The following KIF6 variants were observed in gnomAD, a reference collection of about 807,000 sequenced individuals.
The protein encoded by KIF6 is kinesin family member 6.
Under a neutral mutation model 112.7 loss-of-function variants are expected in KIF6, and 106 were observed. The ratio of observed to expected loss-of-function variants is 0.94; its 90% CI spans 0.80 to 1.11. KIF6 has a LOEUF of 1.11. Ranked by LOEUF, KIF6 falls within the 50% of genes least tolerant of loss-of-function variation. The pLI, the probability that KIF6 is intolerant of heterozygous loss-of-function variation, is 0.00. For missense variants in KIF6, 929 were observed against 964.0 expected, an observed-to-expected ratio of 0.96 and a Z score of 0.48; for synonymous variants, 339 against 339.9, an observed-to-expected ratio of 1.00 and a Z score of 0.03.
rs1340156006 is a variant in KIF6, at chr6:39,357,298, G to A, written c.2159C>T (p.Ser720Phe). ...LQTSDSQHEW[S>F]QLLSNKSSGG... ...TTACCTTTTGTTAGAGAGGAGTTGGGACCATTCATGCTGGGAGTCAGATGT... is the reference window on the plus strand; with the variant it reads ...TTACCTTTTGTTAGAGAGGAGTTGGAACCATTCATGCTGGGAGTCAGATGT... Residue 720 changes from serine (S) to phenylalanine (F), a missense_variant, in exon 19 of 23, where the codon TCC becomes TTC. Ser to Phe is a radical substitution (Grantham distance 155). Around this residue, in one of 2 missense-constraint regions of KIF6, gnomAD observed 241 missense variants for 301.4 expected, o/e 0.80. Coordinates refer to ENST00000287152, the MANE Select transcript of KIF6 (RefSeq NM_145027.6). 1.2e-6 allele frequency: 2 copies of A among 1,613,246 alleles called. No homozygotes were observed. The highest frequency in any genetic ancestry group is 1.1e-5 in the South Asian group (1 of 91,026).
intron 3 of KIF6, among the ~76,000 whole-genome samples, chr6:39,701,443 T>C (rs1274856660): frequency 1.3e-5 from 2 of 152,242 alleles, no homozygotes; most frequent in African/African-American, 4.8e-5. Context: ...GCGTGGATGC[T>C]GCTCTGTGCC....
At chr6:39,424,772 T>TG (rs1223558156) in intron 14 of KIF6, among the ~76,000 whole-genome samples, 1 of 152,200 alleles carries the variant, frequency 6.6e-6, no homozygotes, top group Non-Finnish European at 1.5e-5. Flanking sequence ...GGGAATGTGA[T>TG]GGACTGTGAA....
At chr6:39,573,705 G>T (rs1047285146) in intron 10 of KIF6, among the ~76,000 whole-genome samples, 1 of 152,184 alleles carries the variant, frequency 6.6e-6, no homozygotes, top group South Asian at 2.1e-4. Context: ...TTAGTAGCAC[G>T]TGAACTAGTT....
At position 39,452,210 on chromosome 6, in the gene KIF6, T is replaced by G. The variant is rs114082031; in HGVS notation, c.1646-21049A>C. 7.6e-3 allele frequency among the ~76,000 whole-genome samples: 1,116 copies of G among 147,254 alleles called. 15 individuals are homozygous for G. The highest frequency in any genetic ancestry group is 0.028 in the African/African-American group (1,069 of 38,166). ...GCCCCAATTGCCCTCATCTGTTACA[T>G]GACAGGAAGAGGAGAAGGAAGGAAA... On this transcript the variant is annotated intron_variant, in intron 13 of 22. Transcript: ENST00000287152.
chr6:39,404,452 C>T lies in KIF6; in HGVS notation c.1810+15496G>A, dbSNP rs530334191. Among the ~76,000 whole-genome samples, 335 of 152,198 alleles carry T rather than the reference C, an allele frequency of 2.2e-3. 3 individuals carry two copies. The highest frequency in any genetic ancestry group is 7.8e-3 in the African/African-American group (324 of 41,526). On this transcript the variant is annotated intron_variant, in intron 15 of 22. Coordinates refer to ENST00000287152, the MANE Select transcript of KIF6 (RefSeq NM_145027.6). ...AAACCCTATTCTTTCTTCATTGCCT[C>T]GGCAGTGTTGAAAATCAATGAACCT...
At chr6:39,709,567 C>A (rs746424227) in intron 3 of KIF6, among the ~76,000 whole-genome samples, 6 of 152,126 alleles carry the variant, frequency 3.9e-5, no homozygotes, top group Non-Finnish European at 8.8e-5. Flanking sequence ...GCTTTGGGGA[C>A]CCCTGCTACA....
chr6:39,418,191 C>T (rs1770071873), intron 15 of KIF6, among the ~76,000 whole-genome samples: 1 of 152,152 alleles, frequency 6.6e-6, no homozygotes, highest in African/African-American at 2.4e-5. Flanking sequence ...CAGAAAAATA[C>T]AAACATTCCT....
Position 39,342,625 on chromosome 6 carries a change from T to A in KIF6, c.2428+1084A>T, listed in dbSNP as rs1763401271. Among the ~76,000 whole-genome samples the A allele has an allele frequency of 1.6e-5, 2 of 127,930 alleles. No individual in the cohort carries two copies. The highest frequency in any genetic ancestry group is 2.3e-4 in the South Asian group (1 of 4,390). The allele number at this position is 127,930 out of a possible 152,430, so 83.9% of individuals were successfully genotyped here. On this transcript the variant is annotated intron_variant, in intron 22 of 22. Transcript: ENST00000287152. The surrounding 1 kb of genome is among the most constrained non-coding windows in gnomAD (Gnocchi z 4.7). ...TATTTTTTTTTATTTTTTTTTATTTTTTTTTATTTTTAGACAAGGAAACTG... is the reference window on the plus strand; with the variant it reads ...TATTTTTTTTTATTTTTTTTTATTTATTTTTATTTTTAGACAAGGAAACTG...
chr6:39,399,879 C>A (rs574783681), intron 15 of KIF6, among the ~76,000 whole-genome samples: 21 of 152,370 alleles, frequency 1.4e-4, no homozygotes, highest in Non-Finnish European at 2.4e-4. Context: ...TCGCCAGGGC[C>A]ACAGGGTCTT....
chr6:39,502,223 A>C (rs1040902170), intron 13 of KIF6, among the ~76,000 whole-genome samples: 3 of 152,210 alleles, frequency 2.0e-5, no homozygotes, highest in Non-Finnish European at 4.4e-5. Context: ...CCAGAATTTC[A>C]TATTGACCAA....
intron 13 of KIF6, among the ~76,000 whole-genome samples, chr6:39,481,367 C>T (rs150957718): frequency 6.6e-6 from 1 of 152,208 alleles, no homozygotes; most frequent in East Asian, 1.9e-4. Context: ...TGTATTACCT[C>T]TTCAACATAT....
intron 10 of KIF6, among the ~76,000 whole-genome samples, chr6:39,546,498 C>A (rs1319456345): frequency 6.6e-6 from 1 of 152,170 alleles, no homozygotes. Context: ...CAAAACACCT[C>A]CCTTTGGAGG....
intron 19 of KIF6, among the ~76,000 whole-genome samples, chr6:39,352,510 A>G (rs759499008): frequency 6.6e-6 from 1 of 152,144 alleles, no homozygotes; most frequent in African/African-American, 2.4e-5. Flanking sequence ...AGAATGTTAT[A>G]TAGTTGGAAT....
intron 3 of KIF6, among the ~76,000 whole-genome samples, chr6:39,686,780 A>G (rs2113789982): frequency 6.6e-6 from 1 of 152,362 alleles, no homozygotes; most frequent in South Asian, 2.1e-4. Context: ...CTTTTTAACA[A>G]TAAGAACACC....
intron 15 of KIF6, among the ~76,000 whole-genome samples, chr6:39,408,338 G>A (rs971999142): frequency 6.6e-6 from 1 of 152,218 alleles, no homozygotes; most frequent in South Asian, 2.1e-4. Context: ...AAAAATACAC[G>A]TATACTGTTG....
intron 3 of KIF6, among the ~76,000 whole-genome samples, chr6:39,679,238 C>T (rs574024300): frequency 6.6e-6 from 1 of 152,186 alleles, no homozygotes; most frequent in Non-Finnish European, 1.5e-5. Context: ...TGTACTGATA[C>T]ATGAATTCAC....
intron 13 of KIF6, among the ~76,000 whole-genome samples, chr6:39,535,820 T>C (rs1259293627): frequency 6.6e-6 from 1 of 151,484 alleles, no homozygotes; most frequent in African/African-American, 2.4e-5. Flanking sequence ...GAAGTAAAGC[T>C]CTCCTCAGCA....
At chr6:39,608,761 G>A (rs1252112008) in intron 6 of KIF6, among the ~76,000 whole-genome samples, 1 of 152,092 alleles carries the variant, frequency 6.6e-6, no homozygotes, top group East Asian at 1.9e-4. Context: ...TCACTAATAG[G>A]CACAGTGTAC....
At chr6:39,717,064 TAACTA>T (rs1554155968) in intron 2 of KIF6, among the ~76,000 whole-genome samples, 1 of 152,188 alleles carries the variant, frequency 6.6e-6, no homozygotes, top group Non-Finnish European at 1.5e-5. Flanking sequence ...TGCAATAGCC[TAACTA>T]GTCTTTTCCC....
Sources: allele counts gnomAD v4.1 joint callset (sites outside exome capture counted in the v4.1 genomes callset), GRCh38; gene constraint gnomAD v4.1.1; regional missense constraint gnomAD v4.1.1; non-coding constraint Gnocchi (gnomAD v3.1); transcripts MANE v1.5; gene names NCBI Gene and HGNC (gene_info 2026-07-23, HGNC 2026-07-21).